TRDN: variants seen among roughly 807,000 people sequenced by gnomAD.
The protein encoded by TRDN is triadin.
TRDN carries 161 observed loss-of-function variants against 149.7 expected under a neutral mutation model. The observed-to-expected ratio is 1.08, with a 90% CI of 0.95 to 1.23. TRDN has a LOEUF of 1.23. Ranked by LOEUF, TRDN falls within the 50% of genes most tolerant of loss-of-function variation. The pLI is 0.00. For missense variants in TRDN, 896 were observed against 823.5 expected, an observed-to-expected ratio of 1.09 and a Z score of -1.08; for synonymous variants, 294 against 250.5, an observed-to-expected ratio of 1.17 and a Z score of -1.64.
intron 24 of TRDN, among the ~76,000 whole-genome samples, chr6:123,292,361 A>T (rs1225100841): frequency 6.6e-6 from 1 of 152,220 alleles, no homozygotes; most frequent in South Asian, 2.1e-4. Context: ...CCTTTTTAGC[A>T]GTGTGGGAGC....
chr6:123,294,486 T>C (rs1304824153), intron 24 of TRDN, among the ~76,000 whole-genome samples: 2 of 152,134 alleles, frequency 1.3e-5, no homozygotes. Context: ...GGGGTGTGGA[T>C]AGGGGTGATG....
intron 19 of TRDN, among the ~76,000 whole-genome samples, chr6:123,367,724 G>C (rs1179968846): frequency 1.3e-5 from 2 of 152,166 alleles, no homozygotes; most frequent in African/African-American, 4.8e-5. Context: ...AGCGCAAAAG[G>C]TCTGATTCAG....
chr6:123,458,246 A>G (rs1279564843), intron 10 of TRDN, among the ~76,000 whole-genome samples: 1 of 152,134 alleles, frequency 6.6e-6, no homozygotes, highest in Non-Finnish European at 1.5e-5. Flanking sequence ...TATTCTAATG[A>G]TATTTGTGAT....
At chr6:123,467,392 A>G (rs558976074) in intron 9 of TRDN, among the ~76,000 whole-genome samples, 4 of 152,150 alleles carry the variant, frequency 2.6e-5, no homozygotes, top group Non-Finnish European at 5.9e-5. Context: ...TCTGCGGCAT[A>G]AAGTGCAATA....
At chr6:123,414,096 G>A (rs935170483) in intron 12 of TRDN, among the ~76,000 whole-genome samples, 3 of 152,024 alleles carry the variant, frequency 2.0e-5, no homozygotes, top group South Asian at 2.1e-4. Context: ...CTTCAAGTTC[G>A]CTATCTGATG....
intron 4 of TRDN, among the ~76,000 whole-genome samples, chr6:123,547,136 G>A (rs1781150736): frequency 6.6e-6 from 1 of 151,624 alleles, no homozygotes; most frequent in African/African-American, 2.4e-5. Flanking sequence ...ACTGAATAAG[G>A]CATTTAAAAA....
At chr6:123,543,185 C>A (rs1482584804) in intron 4 of TRDN, among the ~76,000 whole-genome samples, 1 of 152,032 alleles carries the variant, frequency 6.6e-6, no homozygotes, top group Non-Finnish European at 1.5e-5. Context: ...TGATCTTTTA[C>A]ACCTTTGCAA....
chr6:123,570,808 G>A, intron 2 of TRDN, 115 bp downstream of exon 2: 1 of 833,426 alleles, frequency 1.2e-6, no homozygotes, highest in Non-Finnish European at 1.9e-6. Context: ...CACATTTGTG[G>A]GGTGTTTCTT....
At chr6:123,255,927 G>T (rs1451961423) in intron 35 of TRDN, 25 bp from the exon 36 acceptor site, 2 of 1,231,274 alleles carry the variant, frequency 1.6e-6, no homozygotes, top group Non-Finnish European at 2.1e-6. Context: ...CAGTAACAGG[G>T]TAATTTATTT....
intron 26 of TRDN, among the ~76,000 whole-genome samples, chr6:123,275,675 T>C (rs181441875): frequency 1.3e-5 from 2 of 152,118 alleles, no homozygotes; most frequent in East Asian, 3.9e-4. Flanking sequence ...ATGGGTAGAG[T>C]CTAGAATAAT....
At chr6:123,526,144 A>T (rs1779935165) in intron 5 of TRDN, among the ~76,000 whole-genome samples, 1 of 152,084 alleles carries the variant, frequency 6.6e-6, no homozygotes, top group Admixed American at 6.6e-5. Flanking sequence ...TTAAGACTGA[A>T]AATAGTAGAA....
At chr6:123,266,229 T>C (rs1776959050) in intron 32 of TRDN, among the ~76,000 whole-genome samples, 1 of 37,162 alleles carries the variant, frequency 2.7e-5, no homozygotes, top group Admixed American at 4.8e-4. Flanking sequence ...ATATGTATTA[T>C]ATATTATATA....
chr6:123,501,924 C>T (rs1778717753), intron 8 of TRDN: 1 of 984,372 alleles, frequency 1.0e-6, no homozygotes. Context: ...TTAAAGTGTT[C>T]CGGTGATGAG....
intron 1 of TRDN, among the ~76,000 whole-genome samples, chr6:123,622,834 A>G (rs547193336): frequency 8.5e-5 from 13 of 152,280 alleles, no homozygotes; most frequent in African/African-American, 3.1e-4. Context: ...AAAGGATTAA[A>G]GAAACACTGG....
At chr6:123,501,694 T>C (rs1316949284) in intron 8 of TRDN, 1 of 324,442 alleles carries the variant, frequency 3.1e-6, no homozygotes, top group Non-Finnish European at 4.4e-6. Context: ...TGAGACTTGC[T>C]TTAGCAATTG....
At chr6:123,560,890 A>T (rs1324649572) in intron 2 of TRDN, among the ~76,000 whole-genome samples, 1 of 152,166 alleles carries the variant, frequency 6.6e-6, no homozygotes, top group Non-Finnish European at 1.5e-5. Flanking sequence ...CATCGTGGAA[A>T]TCTATCCTCA....
chr6:123,388,624 G>C, intron 13 of TRDN, 73 bp from the exon 14 acceptor site: 1 of 1,497,250 alleles, frequency 6.7e-7, no homozygotes, highest in Non-Finnish European at 9.1e-7. Flanking sequence ...ATATGAGAAT[G>C]TATTCCACAT....
At position 123,273,361 on chromosome 6, in the gene TRDN, T is replaced by C. The variant is rs1048725851; in HGVS notation, c.1600A>G (p.Ile534Val). The change falls in exon 28 of 41, where the codon ATA becomes GTA. Residue 534 changes from isoleucine to valine, a missense_variant and splice_region_variant. By Grantham distance (29) the Ile-to-Val change is conservative. Transcript: ENST00000334268. ...CTGTGTATTTGCACTTTTTCAGATATAGCTAAAATAAATAAATAACATATT... is the reference window on the plus strand; with the variant it reads ...CTGTGTATTTGCACTTTTTCAGATACAGCTAAAATAAATAAATAACATATT... ...PQIKKEAKPA[I>V]SEKVQIHKQD... 4.0e-6 allele frequency: 4 copies of C among 1,000,594 alleles called. No individual in the cohort carries two copies. The highest frequency in any genetic ancestry group is 4.0e-5 in the Admixed American group (1 of 24,930). The allele number at this position is 1,000,594 out of a possible 1,614,324, so 62.0% of individuals were successfully genotyped here.
At chr6:123,267,551 C>T (rs1000540726) in intron 32 of TRDN, among the ~76,000 whole-genome samples, 156 bp downstream of exon 32, 1 of 151,932 alleles carries the variant, frequency 6.6e-6, no homozygotes, top group African/African-American at 2.4e-5. Flanking sequence ...AACAATATTG[C>T]CCTTAGGTCA....
Sources: allele counts gnomAD v4.1 joint callset (sites outside exome capture counted in the v4.1 genomes callset), GRCh38; gene constraint gnomAD v4.1.1; transcripts MANE v1.5; gene names NCBI Gene and HGNC (gene_info 2026-07-23, HGNC 2026-07-21).